The following ACSS1 variants were observed in gnomAD, a reference collection of about 807,000 sequenced individuals.
ACSS1 encodes acetyl-coenzyme A synthetase 2-like, mitochondrial.
Under a neutral mutation model 75.3 loss-of-function variants are expected in ACSS1, and 42 were observed. The ratio of observed to expected loss-of-function variants is 0.56; its 90% CI spans 0.44 to 0.72. ACSS1 has a LOEUF of 0.72. ACSS1 is among the 30% of genes least tolerant of loss of function. ACSS1 has a pLI of 0.00. For missense variants in ACSS1, 782 were observed against 935.7 expected, an observed-to-expected ratio of 0.84 and a Z score of 2.14; for synonymous variants, 380 against 376.8, an observed-to-expected ratio of 1.01 and a Z score of -0.10.
intron 2 of ACSS1, chr20:25,046,536 G>T (rs913423086): frequency 2.1e-6 from 1 of 479,058 alleles, no homozygotes; most frequent in Non-Finnish European, 3.8e-6. Context: ...CTGGCCCTTC[G>T]GGGAGTGCCA....
rs780460042 is a variant in ACSS1, at chr20:25,012,918, C to T, written c.1601G>A (p.Gly534Glu). 1.2e-6 allele frequency: 2 copies of T among 1,614,186 alleles called. No individual in the cohort carries two copies. Among genetic ancestry groups the T allele is most frequent in the Non-Finnish European group, 1.7e-6 (2 of 1,180,036 alleles). Residue 534 changes from glycine to glutamate, a missense_variant, in exon 11 of 14, where the codon GGG (glycine) becomes GAG (glutamate). Coordinates refer to ENST00000323482, the MANE Select transcript of ACSS1 (RefSeq NM_032501.4). The part of the protein sequence containing the change: ...AYPGYYFTGD[G>E]AYRTEGGYYQ... ...ATAGCCGCCCTCAGTTCGGTAAGCC[C>T]CGTCTCCAGTGAAGTAATAGCCTGC...
chr20:25,015,115 A>G, intron 8 of ACSS1, 23 bp downstream of exon 8: 2 of 1,595,194 alleles, frequency 1.3e-6, no homozygotes, highest in Non-Finnish European at 1.7e-6. Flanking sequence ...TTAGACCGGA[A>G]CCTGTTCCCC....
At chr20:25,025,221 A>G (rs1290108660) in intron 3 of ACSS1, among the ~76,000 whole-genome samples, 1 of 152,174 alleles carries the variant, frequency 6.6e-6, no homozygotes, top group East Asian at 1.9e-4. Flanking sequence ...CCACCTCCCA[A>G]GGCGCACACC....
At chr20:25,046,517 G>A (rs957658766) in intron 2 of ACSS1, 9 of 449,316 alleles carry the variant, frequency 2.0e-5, no homozygotes, top group Non-Finnish European at 3.3e-5. Flanking sequence ...AGAGACTGAT[G>A]GAGAGAAACT....
intron 11 of ACSS1, 34 bp from the exon 12 acceptor site, chr20:25,012,698 G>C: frequency 6.2e-7 from 1 of 1,614,110 alleles, no homozygotes; most frequent in Non-Finnish European, 8.5e-7. Flanking sequence ...GGCAAAATGT[G>C]GCGGCCCCGG....
chr20:25,036,151 AGCAGGATATTTAGGTTTGTCT>A (rs1388694060), intron 2 of ACSS1, among the ~76,000 whole-genome samples: 14 of 152,226 alleles, frequency 9.2e-5, no homozygotes, highest in Admixed American at 9.2e-4. Flanking sequence ...TCAGGTACTG[AGCAGGATATTTAGGTTTGTCT>A]GCAGTGTACT....
intron 12 of ACSS1, 162 bp downstream of exon 12, chr20:25,012,439 G>C (rs1252063355): frequency 3.5e-6 from 3 of 860,208 alleles, no homozygotes; most frequent in African/African-American, 1.7e-5. Context: ...GTGCTATTCA[G>C]CCTCCTCCCC....
At chr20:25,038,394 G>A (rs1179221389) in intron 2 of ACSS1, among the ~76,000 whole-genome samples, 1 of 152,196 alleles carries the variant, frequency 6.6e-6, no homozygotes, top group East Asian at 1.9e-4. Context: ...CAAGGTGGTC[G>A]TGGAGACCAA....
chr20:25,011,732 A>C (rs947800078), intron 12 of ACSS1: 1 of 152,282 alleles, frequency 6.6e-6, no homozygotes, highest in Non-Finnish European at 1.5e-5. Flanking sequence ...CAATCTTGCA[A>C]TGCGTCAATT....
At chr20:25,033,096 C>T (rs2088854611) in intron 2 of ACSS1, among the ~76,000 whole-genome samples, 1 of 152,206 alleles carries the variant, frequency 6.6e-6, no homozygotes, top group African/African-American at 2.4e-5. Context: ...CCTGCTACTC[C>T]GGGGAGGAGG....
intron 3 of ACSS1, among the ~76,000 whole-genome samples, chr20:25,028,531 T>C (rs1156335899): frequency 1.3e-5 from 2 of 152,198 alleles, no homozygotes; most frequent in East Asian, 3.8e-4. Flanking sequence ...ACAGCCTCTT[T>C]AGCAAATGGC....
chr20:25,018,151 T>C (rs777152035), intron 7 of ACSS1, among the ~76,000 whole-genome samples: 1 of 152,264 alleles, frequency 6.6e-6, no homozygotes, highest in Non-Finnish European at 1.5e-5. Flanking sequence ...GGAACCTTTA[T>C]GAGGTGATTA....
chr20:25,042,405 C>A (rs777178138), intron 2 of ACSS1, among the ~76,000 whole-genome samples: 1 of 152,106 alleles, frequency 6.6e-6, no homozygotes, highest in Non-Finnish European at 1.5e-5. Flanking sequence ...TGCCCGGGCA[C>A]CCTCCTCTCA....
intron 1 of ACSS1, among the ~76,000 whole-genome samples, chr20:25,052,415 T>G (rs983667654): frequency 6.6e-6 from 1 of 152,196 alleles, no homozygotes; most frequent in African/African-American, 2.4e-5. Flanking sequence ...CCTTCGCCTC[T>G]CAGAGGCCCA....
rs545893350 is a variant in ACSS1, at chr20:25,046,673, G to A, written c.431+1412C>T. Reference sequence around the variant, plus strand: ...GGCAGCAGCCTCAAGTTCCTTCTCAGAAGGGGCTTTGTTCGCAGGCAGATG... The same window carrying A: ...GGCAGCAGCCTCAAGTTCCTTCTCAAAAGGGGCTTTGTTCGCAGGCAGATG... On this transcript the variant is annotated intron_variant, in intron 2 of 13. Coordinates refer to ENST00000323482, the MANE Select transcript of ACSS1 (RefSeq NM_032501.4). 8.0e-5 allele frequency: 52 copies of A among 647,210 alleles called. No individual in the cohort carries two copies. In the African/African-American group the frequency reaches 8.2e-4, roughly 10 times the overall value. 40.1% of individuals were successfully genotyped at this position (647,210 alleles called of 1,614,324 possible). A position where few individuals can be genotyped will look rare whatever the true frequency, so the allele number is the denominator to read the frequency against.
In ACSS1 at chr20:25,020,147, C is replaced by A. The variant is rs567956174; in HGVS notation, c.1109G>T (p.Gly370Val). The A allele has an allele frequency of 2.5e-6, 4 of 1,614,150 alleles. No homozygotes were observed. The highest frequency in any genetic ancestry group is 3.4e-6 in the Non-Finnish European group (4 of 1,179,950). The change falls in exon 7 of 14, where the codon GGT (glycine) becomes GTT (valine). Residue 370 changes from glycine to valine, a missense_variant and splice_region_variant. Gly to Val is a moderately radical substitution (Grantham distance 109, BLOSUM62 -3). Coordinates refer to ENST00000323482, the MANE Select transcript of ACSS1 (RefSeq NM_032501.4). ...FESTPVYPNA[G>V]RYWETVERLK... Reference sequence around the variant, plus strand: ...CCTCTCTACTGTCTCCCAGTACCGACCTACAGAAAGGCCGAAATTCACTGT... The same window carrying A: ...CCTCTCTACTGTCTCCCAGTACCGAACTACAGAAAGGCCGAAATTCACTGT...
intron 5 of ACSS1, 139 bp downstream of exon 5, chr20:25,022,801 G>T: frequency 8.1e-7 from 1 of 1,237,876 alleles, no homozygotes; most frequent in South Asian, 1.7e-5. Context: ...AGGACTCGAG[G>T]GGGCCCTGCC....
chr20:25,053,059 G>C (rs2089196423), intron 1 of ACSS1, among the ~76,000 whole-genome samples: 1 of 135,822 alleles, frequency 7.4e-6, no homozygotes, highest in Non-Finnish European at 1.5e-5. Flanking sequence ...TTCACAATGA[G>C]CTTTTTTTTT....
chr20:25,034,988 G>A (rs541824634), intron 2 of ACSS1, among the ~76,000 whole-genome samples: 13 of 152,108 alleles, frequency 8.5e-5, no homozygotes, highest in African/African-American at 1.9e-4. Context: ...CGCCCCCTGG[G>A]TTCATGCCAT....
Sources: gnomAD v4.1 joint callset for allele counts (sites outside exome capture counted in the v4.1 genomes callset) on GRCh38, gnomAD v4.1.1 for gene constraint, MANE v1.5 for transcripts, NCBI Gene and HGNC (gene_info 2026-07-23, HGNC 2026-07-21) for gene names.